ARHGEF10L: variants seen among roughly 807,000 people sequenced by gnomAD.
The protein encoded by ARHGEF10L is Rho guanine nucleotide exchange factor 10 like.
Under a neutral mutation model 141.2 loss-of-function variants are expected in ARHGEF10L, and 69 were observed. The observed-to-expected ratio is 0.49, with a 90% CI of 0.40 to 0.60. ARHGEF10L has a LOEUF of 0.60. Ranked by LOEUF, ARHGEF10L falls within the 20% of genes least tolerant of loss-of-function variation. The pLI is 0.00. For synonymous variants in ARHGEF10L, 711 were observed against 718.5 expected (o/e 0.99, Z 0.17); for missense variants, 1,482 against 1,734.3 (o/e 0.85, Z 2.58).
intron 4 of ARHGEF10L, among the ~76,000 whole-genome samples, chr1:17,593,089 GA>G (rs2079717349): frequency 6.6e-6 from 1 of 152,112 alleles, no homozygotes; most frequent in Non-Finnish European, 1.5e-5. Context: ...CCTCTTCATT[GA>G]AGAAGGCACT....
chr1:17,522,062 G>A, the ARHGEF10L span, among the ~76,000 whole-genome samples: 3 of 152,188 alleles, frequency 2.0e-5, no homozygotes, highest in Admixed American at 6.5e-5. Context: ...GTTGAAAGCC[G>A]TGGCCCAGGA....
chr1:17,595,298 C>T (rs1198440419), intron 4 of ARHGEF10L, among the ~76,000 whole-genome samples: 6 of 141,684 alleles, frequency 4.2e-5, no homozygotes, highest in Non-Finnish European at 9.0e-5. Context: ...TATTGTTTTG[C>T]AACAACCCAC....
chr1:17,647,510 A>T (rs2061672893), intron 21 of ARHGEF10L, among the ~76,000 whole-genome samples: 1 of 152,184 alleles, frequency 6.6e-6, no homozygotes, highest in African/African-American at 2.4e-5. Context: ...TCTTCAGGAC[A>T]GACGGTGGTT....
At chr1:17,695,135 T>C (rs776564136) in intron 27 of ARHGEF10L, 23 bp from the exon 28 acceptor site, 1 of 1,611,950 alleles carries the variant, frequency 6.2e-7, no homozygotes, top group Non-Finnish European at 8.5e-7. Flanking sequence ...AGGGCACTGC[T>C]CAGCCGCCCT....
chr1:17,630,823 G>A (rs1171915917), intron 15 of ARHGEF10L, among the ~76,000 whole-genome samples: 1 of 152,244 alleles, frequency 6.6e-6, no homozygotes, highest in Admixed American at 6.5e-5. Flanking sequence ...GTTGTGTGCC[G>A]ACTTGAGAGA....
chr1:17,578,677 A>G (rs1177890948), intron 1 of ARHGEF10L, among the ~76,000 whole-genome samples: 1 of 152,150 alleles, frequency 6.6e-6, no homozygotes, highest in African/African-American at 2.4e-5. Flanking sequence ...TCGAGACCAA[A>G]GCAGCCTCAG....
chr1:17,546,823 G>A (rs535554159), intron 1 of ARHGEF10L, among the ~76,000 whole-genome samples: 2 of 152,192 alleles, frequency 1.3e-5, no homozygotes, highest in South Asian at 4.1e-4. Flanking sequence ...CTGGTGTCAG[G>A]AAAGAGCTAA....
intron 1 of ARHGEF10L, among the ~76,000 whole-genome samples, chr1:17,566,294 C>A (rs1301174726): frequency 6.6e-6 from 1 of 152,226 alleles, no homozygotes; most frequent in East Asian, 1.9e-4. Context: ...TCCCCCCTCC[C>A]CACCTAGTGT....
chr1:17,683,399 G>A (rs1045985595), intron 26 of ARHGEF10L, among the ~76,000 whole-genome samples: 9 of 145,866 alleles, frequency 6.2e-5, no homozygotes, highest in Admixed American at 2.7e-4. Flanking sequence ...TCTCACCGGG[G>A]TGCTCACTGC....
At chr1:17,687,296 C>CAACT (rs2064688606) in intron 26 of ARHGEF10L, among the ~76,000 whole-genome samples, 1 of 152,160 alleles carries the variant, frequency 6.6e-6, no homozygotes, top group Non-Finnish European at 1.5e-5. Flanking sequence ...TGGTAGTTTG[C>CAACT]AACTGGCCAC....
At chr1:17,678,672 G>A (rs2063881138) in intron 26 of ARHGEF10L, among the ~76,000 whole-genome samples, 1 of 152,220 alleles carries the variant, frequency 6.6e-6, no homozygotes, top group African/African-American at 2.4e-5. Context: ...GCCCACCTCA[G>A]CTTCCCAAAG....
At position 17,573,552 on chromosome 1, in the gene ARHGEF10L, G is replaced by C. The variant is rs1182094580; in HGVS notation, c.-43-7001G>C. On this transcript the variant is annotated intron_variant, in intron 1 of 28. Coordinates refer to ENST00000361221, the MANE Select transcript of ARHGEF10L (RefSeq NM_018125.4). The surrounding 1 kb of genome is among the most constrained non-coding windows in gnomAD (Gnocchi z 4.8). ...TGGGCTGGATCGCCGGGGACAAAGGGGTTAATGTGTCTGGGGGCTGGGAGG... is the reference window on the plus strand; with the variant it reads ...TGGGCTGGATCGCCGGGGACAAAGGCGTTAATGTGTCTGGGGGCTGGGAGG... Among the ~76,000 whole-genome samples the C allele has an allele frequency of 6.6e-6, 1 of 152,138 alleles. No individual in the cohort carries two copies. Among genetic ancestry groups the C allele is most frequent in the Non-Finnish European group, 1.5e-5 (1 of 68,018 alleles).
At chr1:17,516,032 G>A in the ARHGEF10L span, among the ~76,000 whole-genome samples, 8 of 152,262 alleles carry the variant, frequency 5.3e-5, no homozygotes, top group Admixed American at 3.9e-4. Context: ...GAAGACTAAC[G>A]GCTTGGTGAG....
chr1:17,556,227 G>C (rs1386234001), intron 1 of ARHGEF10L, among the ~76,000 whole-genome samples: 8 of 131,414 alleles, frequency 6.1e-5, no homozygotes, highest in Admixed American at 2.3e-4. Context: ...CTGGGAGCAC[G>C]GAGGTGAGCC....
chr1:17,655,974 C>A lies in ARHGEF10L; in HGVS notation c.2577C>A (p.Ala859=). 6.4e-7 allele frequency: 1 copy of A among 1,565,884 alleles called. No individual in the cohort carries two copies. Among genetic ancestry groups the A allele is most frequent in the East Asian group, 2.4e-5 (1 of 42,464 alleles). Residue 859 remains alanine, a synonymous_variant, in exon 24 of 29, where the codon GCC becomes GCA. Transcript: ENST00000361221. ...PRTVKSFPLA[A]PVLCMEYIPE... is the part of the protein sequence containing the mutation. ...CCGTCAAGTCCTTCCCACTGGCAGCCCCTGTGCTCTGCATGGAGTATATCC... is the reference window on the plus strand; with the variant it reads ...CCGTCAAGTCCTTCCCACTGGCAGCACCTGTGCTCTGCATGGAGTATATCC...
Position 17,613,171 on chromosome 1 carries a change from T to C in ARHGEF10L, c.723T>C (p.Cys241=), listed in dbSNP as rs1328590655. ...AGGAGCTGAAGCACAAGTACGATTG[T>C]AAGGTATTGTCTGTCTGTCCCCTCA... ...DMQELKHKYD[C]KMTQLMKAAK... The change falls in exon 8 of 29, where the codon TGT becomes TGC. Residue 241 remains cysteine, a synonymous_variant. Coordinates refer to ENST00000361221, the MANE Select transcript of ARHGEF10L (RefSeq NM_018125.4). The C allele has an allele frequency of 6.2e-7, 1 of 1,611,870 alleles. No individual in the cohort carries two copies. The highest frequency in any genetic ancestry group is 8.5e-7 in the Non-Finnish European group (1 of 1,178,296).
intron 1 of ARHGEF10L, among the ~76,000 whole-genome samples, chr1:17,540,252 C>A (rs1023377808): frequency 6.6e-6 from 1 of 151,810 alleles, no homozygotes; most frequent in Non-Finnish European, 1.5e-5. Context: ...GGAGTCAGGA[C>A]AGTTTGGGAA....
intron 26 of ARHGEF10L, among the ~76,000 whole-genome samples, chr1:17,674,147 C>T (rs2063496423): frequency 6.6e-6 from 1 of 152,184 alleles, no homozygotes; most frequent in African/African-American, 2.4e-5. Context: ...CTTGGCTTCT[C>T]TCTCTCCTTT....
chr1:17,599,513 G>A (rs531069702), intron 4 of ARHGEF10L, among the ~76,000 whole-genome samples: 1 of 152,292 alleles, frequency 6.6e-6, no homozygotes, highest in East Asian at 1.9e-4. Context: ...AGCCGGAAGA[G>A]TTTGGTTCTG....
Sources: gnomAD v4.1 joint callset for allele counts (sites outside exome capture counted in the v4.1 genomes callset) on GRCh38, gnomAD v4.1.1 for gene constraint, Gnocchi (gnomAD v3.1) non-coding constraint, MANE v1.5 for transcripts, NCBI Gene and HGNC (gene_info 2026-07-23, HGNC 2026-07-21) for gene names.